The following PACC1 variants were observed in gnomAD, a reference collection of about 807,000 sequenced individuals.
PACC1 encodes proton-activated chloride channel.
In PACC1, 34 loss-of-function variants were observed where a neutral mutation model predicts 39.7. The observed-to-expected ratio is 0.86, with a 90% confidence interval of 0.65 to 1.14. The LOEUF is 1.14. PACC1 is among the 50% of genes most tolerant of loss of function. PACC1 has a pLI of 0.00. For missense variants in PACC1, 379 were observed against 436.4 expected (o/e 0.87, Z 1.17); for synonymous variants, 127 against 160.6 (o/e 0.79, Z 1.58).
Position 212,377,726 on chromosome 1 carries a change from AG to A in PACC1, c.639-21del. On this transcript the variant is annotated intron_variant, in intron 5 of 7. Coordinates refer to ENST00000261455, the MANE Select transcript of PACC1 (RefSeq NM_018252.3). ...TTTGGGCTTGGAGGAAGGAAGGAGA[AG>A]GAAGATCCAGGTCAATGCAGGTCTG... 2 of 1,613,474 alleles carry A rather than the reference AG, an allele frequency of 1.2e-6. No individual in the cohort carries two copies. Among genetic ancestry groups the A allele is most frequent in the Non-Finnish European group, 1.7e-6 (2 of 1,179,688 alleles).
Position 212,385,259 on chromosome 1 carries a change from GC to G in PACC1, c.495+14del. On this transcript the variant is annotated intron_variant, in intron 4 of 7. Transcript: ENST00000261455. ...GAGCAGCTGCCCAGACCCAGCTCAG[GC>G]AGACAGGAATTACCACAGTCTGATT... The G allele has an allele frequency of 6.2e-7, 1 of 1,613,644 alleles. No homozygotes were observed. Among genetic ancestry groups the G allele is most frequent in the African/African-American group, 1.3e-5 (1 of 75,010 alleles).
intron 1 of PACC1, 91 bp from the exon 2 acceptor site, chr1:212,410,612 CTTAA>C: frequency 8.4e-7 from 1 of 1,190,686 alleles, no homozygotes; most frequent in Non-Finnish European, 1.3e-6. Flanking sequence ...CTGCTTGTCA[CTTAA>C]TTGTCACCAA....
intron 5 of PACC1, among the ~76,000 whole-genome samples, chr1:212,378,093 C>A (rs1294084338): frequency 6.6e-6 from 1 of 152,208 alleles, no homozygotes; most frequent in African/African-American, 2.4e-5. Flanking sequence ...CTCTGGACTT[C>A]AGCAGAGCCT....
intron 2 of PACC1, among the ~76,000 whole-genome samples, chr1:212,398,274 A>G (rs539348192): frequency 6.6e-6 from 1 of 152,366 alleles, no homozygotes; most frequent in East Asian, 1.9e-4. Flanking sequence ...AGTATCTTTC[A>G]CATAGTAGGA....
chr1:212,391,968 T>C (rs1661337276), intron 2 of PACC1, among the ~76,000 whole-genome samples: 1 of 152,164 alleles, frequency 6.6e-6, no homozygotes, highest in Non-Finnish European at 1.5e-5. Flanking sequence ...TACGTCTGAT[T>C]GGTGTACCTG....
chr1:212,389,491 T>C (rs1462048556), intron 2 of PACC1, among the ~76,000 whole-genome samples: 1 of 152,164 alleles, frequency 6.6e-6, no homozygotes, highest in African/African-American at 2.4e-5. Context: ...CCAGAATCTC[T>C]ATATCATTCA....
intron 2 of PACC1, among the ~76,000 whole-genome samples, 164 bp from the exon 3 acceptor site, chr1:212,387,264 A>G (rs1175648169): frequency 2.0e-5 from 3 of 152,154 alleles, no homozygotes; most frequent in Non-Finnish European, 2.9e-5. Context: ...GGCACCTGTA[A>G]ACATTTACTA....
intron 2 of PACC1, among the ~76,000 whole-genome samples, chr1:212,405,788 C>A (rs554199335): frequency 6.6e-6 from 1 of 152,240 alleles, no homozygotes; most frequent in East Asian, 1.9e-4. Context: ...CATCTATAAA[C>A]TAGGACTAAC....
chr1:212,414,632 C>A (rs893935713), intron 1 of PACC1, 90 bp downstream of exon 1: 1 of 1,509,262 alleles, frequency 6.6e-7, no homozygotes, highest in Admixed American at 1.8e-5. Flanking sequence ...TGCCGCGCAG[C>A]CCCGACACCC....
intron 2 of PACC1, among the ~76,000 whole-genome samples, chr1:212,405,280 A>C (rs1442646642): frequency 6.6e-6 from 1 of 151,918 alleles, no homozygotes; most frequent in African/African-American, 2.4e-5. Context: ...TCCATACTAC[A>C]CTCCACACTA....
chr1:212,377,931 C>G (rs1206049334), intron 5 of PACC1, among the ~76,000 whole-genome samples: 5 of 152,222 alleles, frequency 3.3e-5, no homozygotes, highest in Non-Finnish European at 5.9e-5. Context: ...GGGGTAGTCA[C>G]TGGCCTCAAG....
chr1:212,401,495 A>G (rs977126167), intron 2 of PACC1, among the ~76,000 whole-genome samples: 1 of 151,792 alleles, frequency 6.6e-6, no homozygotes, highest in Non-Finnish European at 1.5e-5. Context: ...TTGTGGTGGC[A>G]CATGCTTGTA....
At chr1:212,403,652 C>T (rs1326833479) in intron 2 of PACC1, among the ~76,000 whole-genome samples, 2 of 152,158 alleles carry the variant, frequency 1.3e-5, no homozygotes, top group Non-Finnish European at 2.9e-5. Context: ...GCAACCTCCG[C>T]CTCCTGGGCT....
chr1:212,396,809 T>G (rs1019564515), intron 2 of PACC1, among the ~76,000 whole-genome samples: 25 of 70,760 alleles, frequency 3.5e-4, no homozygotes, highest in African/African-American at 2.0e-3. Context: ...TCTATCTATC[T>G]ATCTATCTAT....
intron 1 of PACC1, among the ~76,000 whole-genome samples, chr1:212,411,219 T>C (rs1385738584): frequency 1.3e-5 from 2 of 152,194 alleles, no homozygotes; most frequent in Non-Finnish European, 2.9e-5. Flanking sequence ...AAAATCCAAG[T>C]TGGTCTAGTT....
intron 6 of PACC1, 38 bp from the exon 7 acceptor site, chr1:212,375,338 G>T: frequency 6.9e-7 from 1 of 1,443,788 alleles, no homozygotes; most frequent in Non-Finnish European, 9.7e-7. Flanking sequence ...TACCACCTCT[G>T]TGTGCCCTTC....
Position 212,385,258 on chromosome 1 carries a change from G to A in PACC1, c.495+16C>T. 2 of 1,613,670 alleles carry A rather than the reference G, an allele frequency of 1.2e-6. No homozygotes were observed. The highest frequency in any genetic ancestry group is 8.5e-7 in the Non-Finnish European group (1 of 1,179,960). ...AGAGCAGCTGCCCAGACCCAGCTCA[G>A]GCAGACAGGAATTACCACAGTCTGA... On this transcript the variant is annotated intron_variant, in intron 4 of 7. Coordinates refer to ENST00000261455, the MANE Select transcript of PACC1 (RefSeq NM_018252.3).
intron 7 of PACC1, among the ~76,000 whole-genome samples, chr1:212,368,427 C>T (rs1660321853): frequency 6.6e-6 from 1 of 151,952 alleles, no homozygotes; most frequent in Non-Finnish European, 1.5e-5. Context: ...AGATGTGTGA[C>T]CACTCAGGGA....
At chr1:212,383,541 A>G (rs1461161392) in intron 4 of PACC1, among the ~76,000 whole-genome samples, 14 of 152,158 alleles carry the variant, frequency 9.2e-5, no homozygotes, top group Non-Finnish European at 2.9e-5. Context: ...CTACTTCCCT[A>G]TTCTAGAGTC....
Sources: gnomAD v4.1 joint callset for allele counts (sites outside exome capture counted in the v4.1 genomes callset) on GRCh38, gnomAD v4.1.1 for gene constraint, MANE v1.5 for transcripts, NCBI Gene and HGNC (gene_info 2026-07-23, HGNC 2026-07-21) for gene names.